NOM1: variants seen among roughly 807,000 people sequenced by gnomAD.
NOM1 encodes the protein nucleolar MIF4G domain-containing protein 1.
Under a neutral mutation model 73.3 loss-of-function variants are expected in NOM1, and 58 were observed. That is an observed-to-expected ratio of 0.79 (90% CI 0.64 to 0.99). The LOEUF (loss-of-function observed/expected upper bound fraction) is 0.99. Among genes scored for constraint, NOM1 ranks in the 50% least tolerant of loss-of-function variants. The pLI is 0.00. For synonymous variants in NOM1, 487 were observed against 446.8 expected (o/e 1.09, Z -1.14); for missense variants, 1,226 against 1,131.9 (o/e 1.08, Z -1.19).
At position 156,966,965 on chromosome 7, in the gene NOM1, C is replaced by T. The variant is rs367841968; in HGVS notation, c.2171C>T (p.Thr724Ile). 2 of 1,611,912 alleles carry T rather than the reference C, an allele frequency of 1.2e-6. No individual in the cohort carries two copies. The highest frequency in any genetic ancestry group is 1.7e-6 in the Non-Finnish European group (2 of 1,179,446). Residue 724 changes from threonine to isoleucine, a missense_variant, in exon 9 of 11, where the codon ACT becomes ATT. Physicochemically the swap from Thr to Ile is moderately conservative, Grantham distance 89. Coordinates refer to ENST00000275820, the MANE Select transcript of NOM1 (RefSeq NM_138400.2). ...TCCTTTTAACTATGATACTAGATGA[C>T]TTTCCAGTTCAGCATATGGGACAAA... ...FCEYERRFQM[T>I]FQFSIWDKFR...
intron 9 of NOM1, among the ~76,000 whole-genome samples, chr7:156,968,076 C>T (rs1179557293): frequency 6.6e-6 from 1 of 152,210 alleles, no homozygotes; most frequent in Admixed American, 6.5e-5. Context: ...CCAGTTCACC[C>T]TGCGTCCCTT....
At chr7:156,956,703 T>A (rs144097830) in intron 3 of NOM1, among the ~76,000 whole-genome samples, 2 of 152,372 alleles carry the variant, frequency 1.3e-5, no homozygotes, top group Admixed American at 6.5e-5. Context: ...TCATCTCAGA[T>A]ATGAAAATCT....
intron 4 of NOM1, among the ~76,000 whole-genome samples, chr7:156,960,935 G>C (rs1254575169): frequency 1.3e-5 from 2 of 152,174 alleles, no homozygotes; most frequent in Non-Finnish European, 2.9e-5. Flanking sequence ...ATGTGGATTG[G>C]GATGAAGGGA....
Position 156,969,735 on chromosome 7 carries a change from G to A in NOM1, c.*32G>A. ...AAGGAAGGAGGGCAGGTGGCCCTTT[G>A]ACTGTAAAATGTCCTTGGTAAACCC... On this transcript the variant is annotated 3_prime_UTR_variant, in exon 11 of 11. Coordinates refer to ENST00000275820, the MANE Select transcript of NOM1 (RefSeq NM_138400.2). The A allele has an allele frequency of 6.3e-7, 1 of 1,579,904 alleles. No individual in the cohort carries two copies. Among genetic ancestry groups the A allele is most frequent in the South Asian group, 1.1e-5 (1 of 88,782 alleles).
intron 3 of NOM1, among the ~76,000 whole-genome samples, chr7:156,958,410 C>A (rs1325746370): frequency 6.6e-6 from 1 of 152,192 alleles, no homozygotes; most frequent in Non-Finnish European, 1.5e-5. Context: ...AGCGCAGCTG[C>A]GTTATTTAGG....
intron 8 of NOM1, 63 bp from the exon 9 acceptor site, chr7:156,966,898 T>A: frequency 6.9e-7 from 1 of 1,442,706 alleles, no homozygotes; most frequent in Non-Finnish European, 9.4e-7. Flanking sequence ...GTTATGTTGT[T>A]AGTGATATAT....
intron 1 of NOM1, among the ~76,000 whole-genome samples, chr7:156,951,405 A>T (rs1354271249): frequency 1.3e-5 from 2 of 152,152 alleles, no homozygotes; most frequent in Non-Finnish European, 2.9e-5. Flanking sequence ...AAAAAAGTTC[A>T]GAATCTAGGA....
In NOM1 at chr7:156,950,411, C is replaced by T. The variant is rs758775613; in HGVS notation, c.674C>T (p.Ser225Phe). 15 of 1,614,150 alleles carry T rather than the reference C, an allele frequency of 9.3e-6. No homozygotes were observed. The South Asian group carries it at 1.5e-4, about 17-fold the overall frequency. Residue 225 changes from serine (S) to phenylalanine (F), a missense_variant, in exon 1 of 11, where the codon TCT (serine) becomes TTT (phenylalanine). Coordinates refer to ENST00000275820, the MANE Select transcript of NOM1 (RefSeq NM_138400.2). ...GACTATATTCTGGGAGCCCTGGAGT[C>T]TGGGAAAAATAGCGGCTTGTACGAC... ...GLDYILGALE[S>F]GKNSGLYDSS...
intron 9 of NOM1, among the ~76,000 whole-genome samples, chr7:156,967,427 G>C (rs1481103436): frequency 6.6e-6 from 1 of 152,236 alleles, no homozygotes; most frequent in African/African-American, 2.4e-5. Flanking sequence ...TCTCCTTAGA[G>C]GTGAGGTGAG....
intron 7 of NOM1, among the ~76,000 whole-genome samples, chr7:156,965,096 GGCCGCCTTC>G (rs755431347): frequency 4.9e-4 from 74 of 152,274 alleles, no homozygotes; most frequent in Non-Finnish European, 8.5e-4. Flanking sequence ...TGGTTCTTTG[GGCCGCCTTC>G]GCCGCCTGCG....
intron 4 of NOM1, 152 bp downstream of exon 4, chr7:156,960,326 G>A (rs1470484369): frequency 1.6e-6 from 1 of 629,504 alleles, no homozygotes; most frequent in African/African-American, 1.8e-5. Context: ...TTTAATATGT[G>A]AATGGACCTT....
chr7:156,953,977 G>C (rs975641748), intron 2 of NOM1, 126 bp from the exon 3 acceptor site: 1 of 708,500 alleles, frequency 1.4e-6, no homozygotes, highest in Non-Finnish European at 2.3e-6. Context: ...GAATAGTTAA[G>C]GGGTCAAAAG....
rs1349282883 is a variant in NOM1, at chr7:156,970,203, C to T, written c.*500C>T. 6.6e-6 allele frequency: 1 copy of T among 151,646 alleles called. No homozygotes were observed. Among genetic ancestry groups the T allele is most frequent in the African/African-American group, 2.4e-5 (1 of 41,212 alleles). 9.4% of individuals were successfully genotyped at this position (151,646 alleles called of 1,614,324 possible). On this transcript the variant is annotated 3_prime_UTR_variant, in exon 11 of 11. Coordinates refer to ENST00000275820, the MANE Select transcript of NOM1 (RefSeq NM_138400.2). ...GCTGAGGCACAAGAATTGCTTGGACCCTGGAGGTAGAGGCTGCAGTGAGCC... is the reference window on the plus strand; with the variant it reads ...GCTGAGGCACAAGAATTGCTTGGACTCTGGAGGTAGAGGCTGCAGTGAGCC...
Position 156,969,791 on chromosome 7 carries a change from G to A in NOM1, c.*88G>A, listed in dbSNP as rs538229150. 63 of 1,256,240 alleles carry A rather than the reference G, an allele frequency of 5.0e-5. No individual in the cohort carries two copies. The African/African-American group carries it at 8.4e-4, about 17-fold the overall frequency. 77.8% of individuals were successfully genotyped at this position (1,256,240 alleles called of 1,614,324 possible). ...CTTATTCTGTTGCCTGCGTGTGAAT[G>A]TTTGGTAGAGCTATATCATTGTCTG... On this transcript the variant is annotated 3_prime_UTR_variant, in exon 11 of 11. Transcript: ENST00000275820.
rs748784760 is a variant in NOM1 at position 156,950,555 on chromosome 7, C to G, written c.818C>G (p.Ala273Gly). 31 of 1,610,712 alleles carry G rather than the reference C, an allele frequency of 1.9e-5. No homozygotes were observed. In the Admixed American group the frequency reaches 4.9e-4, roughly 25 times the overall value. Residue 273 changes from alanine (A) to glycine (G), a missense_variant, in exon 1 of 11, where the codon GCG (alanine) becomes GGG (glycine). Transcript: ENST00000275820. ...GGAGACGTAGAAAAGGAAAAGAAGG[C>G]GCAGGAAGCAGAAGCGCAGAGCGAG... is the stretch of plus-strand genomic sequence containing the variant. ...EEGDVEKEKK[A>G]QEAEAQSEDD...
intron 3 of NOM1, among the ~76,000 whole-genome samples, chr7:156,957,774 CAA>C (rs10549596): frequency 0.52 from 59,766 of 116,012 alleles, 13,576 homozygotes; most frequent in Middle Eastern, 0.69. Context: ...GACTCCGTCT[CAA>C]AAAAAAAAAA....
rs1804691038 is a variant in NOM1 at position 156,955,186 on chromosome 7, C to A, written c.1308+888C>A. On this transcript the variant is annotated intron_variant, in intron 3 of 10. Transcript: ENST00000275820. ...TTTCGTATTCTTCTTGCTCCACAAC[C>A]CTTGTGGTTAAAGTCAGAGAGGCTC... Among the ~76,000 whole-genome samples the A allele has an allele frequency of 1.3e-5, 2 of 152,196 alleles. 1 individual carries two copies. Among genetic ancestry groups the A allele is most frequent in the Admixed American group, 1.3e-4 (2 of 15,276 alleles).
rs1463762235 is a variant in NOM1, at chr7:156,970,836, A to G, written c.*1133A>G. 6.6e-6 allele frequency: 1 copy of G among 152,242 alleles called. No individual in the cohort carries two copies. The highest frequency in any genetic ancestry group is 1.9e-4 in the East Asian group (1 of 5,208). The allele number at this position is 152,242 out of a possible 1,614,324, so 9.4% of individuals were successfully genotyped here. Reference sequence around the variant, plus strand: ...ACAGGTGCTTTTCATCATTCATGTAACATTCTCACACAGTTGAGGATATTC... The same window carrying G: ...ACAGGTGCTTTTCATCATTCATGTAGCATTCTCACACAGTTGAGGATATTC... On this transcript the variant is annotated 3_prime_UTR_variant, in exon 11 of 11. Transcript: ENST00000275820.
At position 156,952,553 on chromosome 7, in the gene NOM1, A is replaced by C; in HGVS notation, c.1067A>C (p.Glu356Ala). 1 of 1,614,130 alleles carries C rather than the reference A, an allele frequency of 6.2e-7. No homozygotes were observed. Among genetic ancestry groups the C allele is most frequent in the Non-Finnish European group, 8.5e-7 (1 of 1,179,992 alleles). ...GAGACAGTGGACTTCAAGAAAAAGG[A>C]AGAACTAGAAAGGCTGAAGAAACAT... ...AEETVDFKKK[E>A]ELERLKKHVK... The change falls in exon 2 of 11, where the codon GAA becomes GCA. Residue 356 changes from glutamate to alanine, a missense_variant. Glu to Ala is a moderately radical substitution (Grantham distance 107). Coordinates refer to ENST00000275820, the MANE Select transcript of NOM1 (RefSeq NM_138400.2).
Sources: allele counts gnomAD v4.1 joint callset (sites outside exome capture counted in the v4.1 genomes callset), GRCh38; gene constraint gnomAD v4.1.1; transcripts MANE v1.5; gene names NCBI Gene and HGNC (gene_info 2026-07-23, HGNC 2026-07-21).